The following UTRN variants were observed in gnomAD, a reference collection of about 807,000 sequenced individuals.
UTRN encodes the protein utrophin, also known as dystrophin-related protein 1.
Under a neutral mutation model 463.9 loss-of-function variants are expected in UTRN, and 283 were observed. That is an observed-to-expected ratio of 0.61 (90% CI 0.55 to 0.67). The LOEUF (loss-of-function observed/expected upper bound fraction) is 0.67. Among genes scored for constraint, UTRN ranks in the 30% least tolerant of loss-of-function variants. The probability of loss-of-function intolerance (pLI) is 0.00; values close to 1 mark genes in which losing one functional copy is unlikely to be tolerated. For missense variants in UTRN, 3,922 were observed against 4,084.3 expected (o/e 0.96, Z 1.08); for synonymous variants, 1,442 against 1,431.5 (o/e 1.01, Z -0.17).
Position 144,436,149 on chromosome 6 carries a change from G to T in UTRN, c.1059+11G>T. 5 of 1,609,906 alleles carry T rather than the reference G, an allele frequency of 3.1e-6. No individual in the cohort carries two copies. Among genetic ancestry groups the T allele is most frequent in the Non-Finnish European group, 3.4e-6 (4 of 1,178,472 alleles). ...TTTGCAACCCATGAAGTAAATATCT[G>T]TAGTTTCTTAGCAGGGTGTGTCCCC... On this transcript the variant is annotated intron_variant, in intron 10 of 74. Coordinates refer to ENST00000367545, the MANE Select transcript of UTRN (RefSeq NM_007124.3).
chr6:144,746,295 AC>A (rs1790740714), intron 54 of UTRN, among the ~76,000 whole-genome samples: 1 of 151,908 alleles, frequency 6.6e-6, no homozygotes, highest in Admixed American at 6.6e-5. Flanking sequence ...GAGCTACCGC[AC>A]CCAGCCTAGA....
chr6:144,565,224 A>G (rs1800297378), intron 50 of UTRN, among the ~76,000 whole-genome samples: 1 of 152,228 alleles, frequency 6.6e-6, no homozygotes, highest in African/African-American at 2.4e-5. Context: ...TGGTGGTACC[A>G]TTCACCGAAT....
At chr6:144,536,816 G>A (rs1223569717) in intron 43 of UTRN, among the ~76,000 whole-genome samples, 1 of 151,858 alleles carries the variant, frequency 6.6e-6, no homozygotes, top group African/African-American at 2.4e-5. Flanking sequence ...TGTCATATGA[G>A]TTCTAATCAT....
intron 51 of UTRN, among the ~76,000 whole-genome samples, chr6:144,665,011 C>T (rs1162993881): frequency 6.6e-6 from 1 of 152,086 alleles, no homozygotes; most frequent in African/African-American, 2.4e-5. Flanking sequence ...TTATTTTCCT[C>T]TAATGATTAA....
intron 52 of UTRN, among the ~76,000 whole-genome samples, chr6:144,691,728 G>A (rs1378877835): frequency 6.6e-6 from 1 of 152,070 alleles, no homozygotes; most frequent in Non-Finnish European, 1.5e-5. Flanking sequence ...TCTGCCTAGT[G>A]TTGCACTAGA....
chr6:144,560,023 T>C (rs1659984353), intron 50 of UTRN, among the ~76,000 whole-genome samples: 1 of 152,100 alleles, frequency 6.6e-6, no homozygotes, highest in Non-Finnish European at 1.5e-5. Context: ...TTTGTGCGTA[T>C]AAATTTTGAG....
rs1786508655 is a variant in UTRN at position 144,436,108 on chromosome 6, A to C, written c.1029A>C (p.Glu343Asp). The change falls in exon 10 of 75, where the codon GAA becomes GAC. Residue 343 changes from glutamate (E) to aspartate (D), a missense_variant. By Grantham distance (45) the Glu-to-Asp change is conservative. This residue lies in a region of UTRN where 2,349 missense variants were observed against 2,303.8 expected (regional missense o/e 1.02). Coordinates refer to ENST00000367545, the MANE Select transcript of UTRN (RefSeq NM_007124.3). ...QEQDDISDDV[E>D]EVKDQFATHE... is the part of the protein sequence containing the mutation. ...AGGATGATATTTCTGATGATGTTGA[A>C]GAAGTCAAAGACCAGTTTGCAACCC... The C allele has an allele frequency of 1.2e-6, 2 of 1,614,026 alleles. No individual in the cohort carries two copies. The highest frequency in any genetic ancestry group is 1.3e-5 in the African/African-American group (1 of 74,936).
intron 54 of UTRN, among the ~76,000 whole-genome samples, chr6:144,737,836 T>G (rs999692328): frequency 6.6e-5 from 10 of 152,174 alleles, no homozygotes; most frequent in Non-Finnish European, 1.5e-5. Flanking sequence ...ACTGTTTTTT[T>G]TTTTTATTTT....
chr6:144,413,907 G>A (rs1429067001), intron 3 of UTRN, among the ~76,000 whole-genome samples: 5 of 152,182 alleles, frequency 3.3e-5, no homozygotes, highest in East Asian at 1.9e-4. Context: ...CTGTTCAAGC[G>A]ATTCTTCTGC....
intron 23 of UTRN, among the ~76,000 whole-genome samples, chr6:144,470,694 G>A (rs1333763753): frequency 1.3e-5 from 2 of 152,072 alleles, no homozygotes; most frequent in African/African-American, 4.8e-5. Context: ...GGTGGAGGTT[G>A]TAGCGAGCCG....
In UTRN at chr6:144,286,341, C is replaced by T. The variant is rs1266951708; in HGVS notation, c.-93+520C>T. 6.6e-6 allele frequency among the ~76,000 whole-genome samples: 1 copy of T among 151,884 alleles called. No homozygotes were observed. The highest frequency in any genetic ancestry group is 2.0e-4 in the East Asian group (1 of 5,128). ...GGGTGGCTGTGTGGTCGGCGGCCAG[C>T]GGAGCGCTTCCCAGCCAGCCGCCCG... On this transcript the variant is annotated intron_variant, in intron 1 of 74. Coordinates refer to ENST00000367545, the MANE Select transcript of UTRN (RefSeq NM_007124.3). The surrounding 1 kb of genome is among the most constrained non-coding windows in gnomAD (Gnocchi z 4.4).
chr6:144,395,646 C>T (rs1782338940), intron 2 of UTRN, among the ~76,000 whole-genome samples: 1 of 152,026 alleles, frequency 6.6e-6, no homozygotes, highest in African/African-American at 2.4e-5. Flanking sequence ...ACATTTAATT[C>T]TGAAAATAAC....
chr6:144,434,004 G>A (rs991394400), intron 9 of UTRN, among the ~76,000 whole-genome samples: 2 of 151,824 alleles, frequency 1.3e-5, no homozygotes, highest in African/African-American at 2.4e-5. Flanking sequence ...CTGGGATGTG[G>A]AGGTTGTAGC....
chr6:144,655,499 A>T (rs1166611586), intron 51 of UTRN, among the ~76,000 whole-genome samples: 1 of 152,242 alleles, frequency 6.6e-6, no homozygotes, highest in Non-Finnish European at 1.5e-5. Context: ...GGCTTACAAC[A>T]AATAAACTTT....
intron 34 of UTRN, among the ~76,000 whole-genome samples, chr6:144,501,633 A>T (rs1794190421): frequency 6.6e-6 from 1 of 151,730 alleles, no homozygotes; most frequent in African/African-American, 2.4e-5. Flanking sequence ...TAATTTTTTT[A>T]TTTTCTCATT....
At chr6:144,786,272 A>G (rs933637940) in intron 61 of UTRN, among the ~76,000 whole-genome samples, 1 of 151,938 alleles carries the variant, frequency 6.6e-6, no homozygotes, top group Non-Finnish European at 1.5e-5. Flanking sequence ...ACCCACCTGA[A>G]TGCATCTTAT....
intron 34 of UTRN, among the ~76,000 whole-genome samples, chr6:144,508,747 T>C (rs1794914479): frequency 6.6e-6 from 1 of 152,214 alleles, no homozygotes; most frequent in African/African-American, 2.4e-5. Flanking sequence ...CATTAATCTT[T>C]CCAGTATTTA....
intron 12 of UTRN, 119 bp downstream of exon 12, chr6:144,439,014 C>A: frequency 9.2e-7 from 1 of 1,083,208 alleles, no homozygotes; most frequent in Non-Finnish European, 1.3e-6. Context: ...TCAGGGTTGT[C>A]TTCATTTAGC....
chr6:144,794,556 C>T (rs1427439509), intron 63 of UTRN, among the ~76,000 whole-genome samples: 3 of 152,188 alleles, frequency 2.0e-5, no homozygotes, highest in Non-Finnish European at 4.4e-5. Context: ...ATTATAATTA[C>T]ACACTGAATT....
Sources: gnomAD v4.1 joint callset for allele counts (sites outside exome capture counted in the v4.1 genomes callset) on GRCh38, gnomAD v4.1.1 for gene constraint, gnomAD v4.1.1 regional missense constraint, Gnocchi (gnomAD v3.1) non-coding constraint, MANE v1.5 for transcripts, NCBI Gene and HGNC (gene_info 2026-07-23, HGNC 2026-07-21) for gene names.